The following PPP1R8 variants were observed in gnomAD, a reference collection of about 807,000 sequenced individuals.
PPP1R8 encodes protein phosphatase 1 regulatory subunit 8.
Under a neutral mutation model 31.3 loss-of-function variants are expected in PPP1R8, and 4 were observed. The observed-to-expected ratio is 0.13, with a 90% CI of 0.06 to 0.29. The LOEUF (loss-of-function observed/expected upper bound fraction) is 0.29, where lower values mean the gene tolerates loss of function less well. Among genes scored for constraint, PPP1R8 ranks in the 10% least tolerant of loss-of-function variants. The probability of loss-of-function intolerance (pLI) is 1.00; values close to 1 mark genes in which losing one functional copy is unlikely to be tolerated. For synonymous variants in PPP1R8, 170 were observed against 169.7 expected (o/e 1.00, Z -0.01); for missense variants, 254 against 440.1 (o/e 0.58, Z 3.78).
In PPP1R8 at chr1:27,844,884, A is replaced by ATTTTTT. The variant is rs765514573; in HGVS notation, c.637+1579_637+1584dup. 2.0e-3 allele frequency among the ~76,000 whole-genome samples: 146 copies of ATTTTTT among 72,374 alleles called. 19 individuals carry two copies. Among genetic ancestry groups the ATTTTTT allele is most frequent in the African/African-American group, 0.014 (139 of 9,868 alleles). 47.5% of individuals were successfully genotyped at this position (72,374 alleles called of 152,430 possible). ...AGGCGCCCGCCACCATGCCCGACTA[A>ATTTTTT]TTTTTTTTTTTTTTTTTTTTTTTTT... On this transcript the variant is annotated intron_variant, in intron 5 of 6. Transcript: ENST00000311772.
intron 2 of PPP1R8, among the ~76,000 whole-genome samples, chr1:27,833,116 T>C (rs2089127852): frequency 6.6e-6 from 1 of 152,160 alleles, no homozygotes; most frequent in South Asian, 2.1e-4. Flanking sequence ...CCTGAGTACA[T>C]GGAGTTGTGT....
chr1:27,842,661 G>A (rs924902686), intron 4 of PPP1R8, among the ~76,000 whole-genome samples: 1 of 152,166 alleles, frequency 6.6e-6, no homozygotes. Flanking sequence ...GCCAGACACA[G>A]GATGGGGCAT....
intron 2 of PPP1R8, among the ~76,000 whole-genome samples, chr1:27,834,839 A>G (rs1216697156): frequency 6.6e-6 from 1 of 152,090 alleles, no homozygotes; most frequent in African/African-American, 2.4e-5. Context: ...CCAGCATGGC[A>G]AAACCCCGTC....
chr1:27,833,605 A>C (rs1421422621), intron 2 of PPP1R8, among the ~76,000 whole-genome samples: 2 of 152,204 alleles, frequency 1.3e-5, no homozygotes, highest in Admixed American at 6.5e-5. Context: ...AGAGATGGAT[A>C]TTAAGCCCAC....
chr1:27,837,730 G>T (rs539238226), intron 2 of PPP1R8, among the ~76,000 whole-genome samples: 2 of 147,360 alleles, frequency 1.4e-5, no homozygotes, highest in East Asian at 4.1e-4. Flanking sequence ...AGCCGAGATC[G>T]CACCACTGCA....
intron 2 of PPP1R8, among the ~76,000 whole-genome samples, chr1:27,833,719 T>C (rs146879007): frequency 1.1e-4 from 17 of 152,330 alleles, no homozygotes; most frequent in African/African-American, 4.1e-4. Flanking sequence ...AGTTTTTTCA[T>C]TGTGGTTTTT....
At position 27,838,806 on chromosome 1, in the gene PPP1R8, C is replaced by T. The variant is rs1229391533; in HGVS notation, c.225C>T (p.Val75=). Residue 75 remains valine (V), a synonymous_variant, in exon 3 of 7, where the codon GTC becomes GTT. Transcript: ENST00000311772. ...QSCSRVHAAL[V]YHKHLKRVFL... The stretch of plus-strand genomic sequence containing the variant: ...GCTCTCGGGTCCATGCTGCACTTGT[C>T]TACCACAAGCATCTGAAGAGAGTTT... 1 of 1,612,068 alleles carries T rather than the reference C, an allele frequency of 6.2e-7. No individual in the cohort carries two copies. Among genetic ancestry groups the T allele is most frequent in the Middle Eastern group, 1.7e-4 (1 of 6,056 alleles).
intron 5 of PPP1R8, among the ~76,000 whole-genome samples, chr1:27,845,046 A>C (rs2089262143): frequency 2.1e-5 from 3 of 140,126 alleles, no homozygotes; most frequent in Non-Finnish European, 4.6e-5. Context: ...CAAATTTCTT[A>C]AGTCTCTTTC....
At chr1:27,837,747 A>C (rs6683245) in intron 2 of PPP1R8, among the ~76,000 whole-genome samples, 3,338 of 145,762 alleles carry the variant, frequency 0.023, 110 homozygotes, top group African/African-American at 0.079. Flanking sequence ...TGCACTCCAG[A>C]CTGGGCGACA....
intron 6 of PPP1R8, 66 bp downstream of exon 6, chr1:27,847,158 G>A: frequency 6.6e-7 from 1 of 1,503,924 alleles, no homozygotes; most frequent in Admixed American, 1.7e-5. Flanking sequence ...CAGGCGCGTT[G>A]GCTTATGCCT....
intron 2 of PPP1R8, among the ~76,000 whole-genome samples, chr1:27,833,983 A>T (rs2089137028): frequency 6.6e-6 from 1 of 152,230 alleles, no homozygotes; most frequent in Admixed American, 6.5e-5. Context: ...AAACCTCAAG[A>T]TTATTCAAAG....
intron 5 of PPP1R8, among the ~76,000 whole-genome samples, chr1:27,844,818 C>T (rs1284002755): frequency 7.1e-6 from 1 of 140,112 alleles, no homozygotes; most frequent in African/African-American, 2.7e-5. Context: ...CCTGGGTTCA[C>T]GCCATTTTCC....
chr1:27,834,288 G>A (rs2089140157), intron 2 of PPP1R8: 1 of 393,852 alleles, frequency 2.5e-6, no homozygotes, highest in Non-Finnish European at 5.1e-6. Flanking sequence ...CTCTTTCGAT[G>A]TTGTTAAGTG....
chr1:27,840,544 A>C (rs533730967), intron 3 of PPP1R8, among the ~76,000 whole-genome samples: 66 of 152,192 alleles, frequency 4.3e-4, no homozygotes, highest in Non-Finnish European at 8.2e-4. Flanking sequence ...CAATTTCTAT[A>C]TTCTTTTGAC....
chr1:27,849,861 T>C (rs2089323342), intron 6 of PPP1R8, among the ~76,000 whole-genome samples: 1 of 152,138 alleles, frequency 6.6e-6, no homozygotes, highest in Non-Finnish European at 1.5e-5. Context: ...GGTGAAAACT[T>C]TGTTATGGAG....
chr1:27,844,748 C>T (rs1465211861), intron 5 of PPP1R8, among the ~76,000 whole-genome samples: 2 of 119,842 alleles, frequency 1.7e-5, no homozygotes, highest in African/African-American at 3.4e-5. Flanking sequence ...CTCGCTCTGT[C>T]ACCCAGGCTG....
At chr1:27,832,722 C>T in intron 1 of PPP1R8, 34 bp from the exon 2 acceptor site, 1 of 1,566,888 alleles carries the variant, frequency 6.4e-7, no homozygotes, top group Non-Finnish European at 8.8e-7. Flanking sequence ...ATAAACCCAT[C>T]CTGAAAATGC....
Position 27,832,720 on chromosome 1 carries a change from A to G in PPP1R8, c.57-36A>G, listed in dbSNP as rs770386240. On this transcript the variant is annotated intron_variant, in intron 1 of 6. Coordinates refer to ENST00000311772, the MANE Select transcript of PPP1R8 (RefSeq NM_014110.5). ...GGTTGTAAATAGCATTTATAAACCC[A>G]TCCTGAAAATGCTTTTTTCTATTTT... The G allele has an allele frequency of 2.6e-6, 4 of 1,559,392 alleles. No individual in the cohort carries two copies. In the South Asian group the frequency reaches 4.6e-5, roughly 18 times the overall value.
Position 27,830,832 on chromosome 1 carries a change from C to G in PPP1R8, c.-4C>G, listed in dbSNP as rs369470227. The G allele has an allele frequency of 2.7e-5, 43 of 1,575,796 alleles. No individual in the cohort carries two copies. The Admixed American group carries it at 7.7e-4, about 28-fold the overall frequency. ...GCGCGCCAAATGGGAGGGGGAGACG[C>G]AAGATGGCGGCAGCCGCGAACTCCG... On this transcript the variant is annotated 5_prime_UTR_variant, in exon 1 of 7. Coordinates refer to ENST00000311772, the MANE Select transcript of PPP1R8 (RefSeq NM_014110.5).
Sources: gnomAD v4.1 joint callset for allele counts (sites outside exome capture counted in the v4.1 genomes callset) on GRCh38, gnomAD v4.1.1 for gene constraint, MANE v1.5 for transcripts, NCBI Gene and HGNC (gene_info 2026-07-23, HGNC 2026-07-21) for gene names.